DGKB: variants seen among roughly 807,000 people sequenced by gnomAD.
DGKB encodes diacylglycerol kinase beta.
DGKB carries 67 observed loss-of-function variants against 114.3 expected under a neutral mutation model. The ratio of observed to expected loss-of-function variants is 0.59; its 90% CI spans 0.48 to 0.72. The LOEUF (loss-of-function observed/expected upper bound fraction) is 0.72. Ranked by LOEUF, DGKB falls within the 30% of genes least tolerant of loss-of-function variation. The pLI is 0.00. For missense variants in DGKB, 907 were observed against 975.2 expected, an observed-to-expected ratio of 0.93 and a Z score of 0.93; for synonymous variants, 398 against 323.1, an observed-to-expected ratio of 1.23 and a Z score of -2.49.
chr7:14,687,671 AG>A (rs1307998254), intron 9 of DGKB, among the ~76,000 whole-genome samples: 27 of 152,326 alleles, frequency 1.8e-4, no homozygotes, highest in Non-Finnish European at 3.2e-4. Context: ...TAAAAGTAGT[AG>A]CTAAGTGCTT....
intron 1 of DGKB, among the ~76,000 whole-genome samples, chr7:14,865,771 C>T (rs747236015): frequency 6.6e-6 from 1 of 152,034 alleles, no homozygotes; most frequent in African/African-American, 2.4e-5. Context: ...GAGATAATTA[C>T]TCCGAAAGCA....
At chr7:14,440,835 T>C (rs1829985790) in intron 21 of DGKB, among the ~76,000 whole-genome samples, 1 of 152,224 alleles carries the variant, frequency 6.6e-6, no homozygotes, top group Non-Finnish European at 1.5e-5. Context: ...TATATACAAA[T>C]GGGCATTGTT....
rs910613324 is a variant in DGKB at position 14,974,776 on chromosome 7, G to A, written c.-268C>T. 4 of 152,206 alleles carry A rather than the reference G, an allele frequency of 2.6e-5. No individual in the cohort carries two copies. The South Asian group carries it at 8.3e-4, about 32-fold the overall frequency. The allele number at this position is 152,206 out of a possible 1,614,324, so 9.4% of individuals were successfully genotyped here. A position where few individuals can be genotyped will look rare whatever the true frequency, so the allele number is the denominator to read the frequency against. ...CCTAGCCAGTAAGGTACTAATTTATGTACAAAAGCAGAGGTTCTGTGTGTT... is the reference window on the plus strand; with the variant it reads ...CCTAGCCAGTAAGGTACTAATTTATATACAAAAGCAGAGGTTCTGTGTGTT... On this transcript the variant is annotated 5_prime_UTR_variant, in exon 1 of 5. Coordinates refer to the DGKB transcript ENST00000437998.
At chr7:14,517,646 G>T (rs1054863182) in intron 20 of DGKB, among the ~76,000 whole-genome samples, 1 of 151,742 alleles carries the variant, frequency 6.6e-6, no homozygotes, top group Admixed American at 6.6e-5. Context: ...TAAAAAGTGG[G>T]CAAAAAACAT....
chr7:14,784,606 G>A (rs1376734934), intron 2 of DGKB, among the ~76,000 whole-genome samples: 1 of 152,066 alleles, frequency 6.6e-6, no homozygotes, highest in Non-Finnish European at 1.5e-5. Flanking sequence ...CGACCTCCTG[G>A]CCTCAAGCAA....
chr7:14,696,523 A>G (rs2129000882), intron 8 of DGKB, among the ~76,000 whole-genome samples: 1 of 144,376 alleles, frequency 6.9e-6, no homozygotes, highest in East Asian at 1.9e-4. Context: ...AAAAAAAAAA[A>G]AAAAAAAAAA....
intron 21 of DGKB, among the ~76,000 whole-genome samples, chr7:14,371,194 A>T (rs1046333856): frequency 2.0e-5 from 3 of 152,116 alleles, no homozygotes; most frequent in Non-Finnish European, 4.4e-5. Flanking sequence ...CAGTAATGAG[A>T]TTGCTGGGTT....
chr7:14,432,211 A>C (rs1828552448), intron 21 of DGKB, among the ~76,000 whole-genome samples: 1 of 152,158 alleles, frequency 6.6e-6, no homozygotes, highest in African/African-American at 2.4e-5. Flanking sequence ...AATCAGAAAT[A>C]TTTCCCTTTG....
intron 23 of DGKB, among the ~76,000 whole-genome samples, chr7:14,310,090 A>G (rs970665744): frequency 2.6e-5 from 4 of 152,228 alleles, no homozygotes; most frequent in African/African-American, 9.6e-5. Flanking sequence ...TGAAGGAAGA[A>G]GGGAACAAAG....
At chr7:14,499,810 C>A (rs1785858405) in intron 20 of DGKB, among the ~76,000 whole-genome samples, 1 of 151,560 alleles carries the variant, frequency 6.6e-6, no homozygotes, top group Non-Finnish European at 1.5e-5. Context: ...CAAAGCATAG[C>A]CTAGTGTAGT....
At chr7:14,825,016 G>GTGTATA (rs1480765381) in intron 2 of DGKB, among the ~76,000 whole-genome samples, 993 of 92,364 alleles carry the variant, frequency 0.011, 24 homozygotes, top group Non-Finnish European at 0.016. Flanking sequence ...GTATGTGTAT[G>GTGTATA]TATATATATA....
At chr7:14,610,158 G>A (rs1563669908) in intron 16 of DGKB, among the ~76,000 whole-genome samples, 4 of 152,022 alleles carry the variant, frequency 2.6e-5, no homozygotes, top group South Asian at 2.1e-4. Context: ...AAGAAAATGC[G>A]GTACATATAT....
intron 20 of DGKB, among the ~76,000 whole-genome samples, chr7:14,484,518 T>G (rs1584302191): frequency 6.6e-6 from 1 of 152,202 alleles, no homozygotes; most frequent in Non-Finnish European, 1.5e-5. Context: ...CACCTCTTGC[T>G]CCTGCTATTG....
intron 17 of DGKB, among the ~76,000 whole-genome samples, chr7:14,590,902 C>T (rs999874347): frequency 5.3e-5 from 8 of 152,022 alleles, no homozygotes; most frequent in African/African-American, 1.9e-4. Flanking sequence ...ATTTCCCCAC[C>T]TCCTCCGCCT....
At chr7:14,564,296 A>G (rs908413034) in intron 20 of DGKB, among the ~76,000 whole-genome samples, 2 of 152,112 alleles carry the variant, frequency 1.3e-5, no homozygotes, top group Non-Finnish European at 2.9e-5. Flanking sequence ...TGGACATTCA[A>G]ACTAACCTCT....
At chr7:14,680,082 T>A (rs1410583849) in intron 12 of DGKB, among the ~76,000 whole-genome samples, 1 of 151,912 alleles carries the variant, frequency 6.6e-6, no homozygotes, top group Admixed American at 6.6e-5. Context: ...AAAATAAGGC[T>A]GAGGATGGAT....
intron 21 of DGKB, among the ~76,000 whole-genome samples, chr7:14,393,317 A>C (rs1471583265): frequency 6.6e-6 from 1 of 152,062 alleles, no homozygotes; most frequent in African/African-American, 2.4e-5. Flanking sequence ...CAGCTTGTGT[A>C]TGTGTAACTG....
intron 23 of DGKB, among the ~76,000 whole-genome samples, chr7:14,182,420 A>G (rs1782769317): frequency 6.6e-6 from 1 of 152,110 alleles, no homozygotes; most frequent in Admixed American, 6.6e-5. Flanking sequence ...AAATTTTAAC[A>G]GTATTTTAAT....
At chr7:14,858,694 A>C (rs1396317042) in intron 1 of DGKB, among the ~76,000 whole-genome samples, 1 of 152,146 alleles carries the variant, frequency 6.6e-6, no homozygotes, top group African/African-American at 2.4e-5. Context: ...GTAAAGGAAA[A>C]GAGAAAGATC....
Sources: gnomAD v4.1 joint callset for allele counts (sites outside exome capture counted in the v4.1 genomes callset) on GRCh38, gnomAD v4.1.1 for gene constraint, MANE v1.5 for transcripts, NCBI Gene and HGNC (gene_info 2026-07-23, HGNC 2026-07-21) for gene names.